The following FAT3 variants were observed in gnomAD, a reference collection of about 807,000 sequenced individuals.
FAT3 encodes protocadherin Fat 3.
FAT3 carries 95 observed loss-of-function variants against 310.2 expected under a neutral mutation model. The observed-to-expected ratio is 0.31, with a 90% CI of 0.26 to 0.36. The LOEUF is 0.36. Among genes scored for constraint, FAT3 ranks in the 10% least tolerant of loss-of-function variants. The pLI is 1.00. For missense variants in FAT3, 5,408 were observed against 5,715.6 expected (o/e 0.95, Z 1.74); for synonymous variants, 2,314 against 2,192.9 (o/e 1.06, Z -1.54).
intron 3 of FAT3, among the ~76,000 whole-genome samples, chr11:92,544,059 C>T (rs12281085): frequency 0.16 from 24,255 of 152,104 alleles, 2,087 homozygotes; most frequent in East Asian, 0.29. Flanking sequence ...AATACTTCTA[C>T]GTACTAGGGA....
chr11:92,819,932 A>G (rs989814097), intron 13 of FAT3, among the ~76,000 whole-genome samples: 8 of 152,322 alleles, frequency 5.3e-5, no homozygotes, highest in African/African-American at 1.9e-4. Flanking sequence ...CCGTTATGGT[A>G]GCAGCCTCTA....
intron 18 of FAT3, among the ~76,000 whole-genome samples, chr11:92,843,596 G>A (rs1339070767): frequency 6.6e-6 from 1 of 152,190 alleles, no homozygotes; most frequent in East Asian, 1.9e-4. Context: ...CACTTTATGA[G>A]GTTTCCCCTG....
chr11:92,632,657 A>G (rs79516390), intron 3 of FAT3, among the ~76,000 whole-genome samples: 2 of 152,236 alleles, frequency 1.3e-5, no homozygotes, highest in Non-Finnish European at 2.9e-5. Context: ...GCAAGGCAGT[A>G]CACACATTCC....
chr11:92,359,091 T>C (rs931065400), intron 2 of FAT3, among the ~76,000 whole-genome samples: 1 of 152,168 alleles, frequency 6.6e-6, no homozygotes, highest in East Asian at 1.9e-4. Context: ...TTATCGTCAT[T>C]CAGTAGGTCT....
At chr11:92,492,443 GT>G in intron 2 of FAT3, among the ~76,000 whole-genome samples, 1 of 152,142 alleles carries the variant, frequency 6.6e-6, no homozygotes, top group East Asian at 1.9e-4. Context: ...AATTAGCAAG[GT>G]TGTATTCTGT....
At chr11:92,390,515 G>A (rs1949725394) in intron 2 of FAT3, among the ~76,000 whole-genome samples, 1 of 152,152 alleles carries the variant, frequency 6.6e-6, no homozygotes, top group South Asian at 2.1e-4. Flanking sequence ...GCCTTCCGAG[G>A]ATGGATGTCT....
chr11:92,760,847 T>C (rs2136080721), intron 4 of FAT3, among the ~76,000 whole-genome samples: 1 of 152,318 alleles, frequency 6.6e-6, no homozygotes, highest in East Asian at 1.9e-4. Context: ...GAAAATTATG[T>C]ATGTGCTCTT....
Position 92,895,144 on chromosome 11 carries a change from G to A in FAT3, c.*4031G>A, listed in dbSNP as rs1237663934. The A allele has an allele frequency of 2.0e-5, 3 of 152,226 alleles. No homozygotes were observed. Among genetic ancestry groups the A allele is most frequent in the Non-Finnish European group, 2.9e-5 (2 of 68,046 alleles). 9.4% of individuals were successfully genotyped at this position (152,226 alleles called of 1,614,324 possible). ...CCCAGTGCACAGGTATTGCTAAAGT[G>A]GTTAGGCTTTAATGTTTTATGTTTT... On this transcript the variant is annotated 3_prime_UTR_variant, in exon 28 of 28. Coordinates refer to ENST00000525166, the MANE Select transcript of FAT3 (RefSeq NM_001367949.2).
intron 2 of FAT3, among the ~76,000 whole-genome samples, chr11:92,384,367 T>G (rs1299511815): frequency 6.6e-6 from 1 of 152,164 alleles, no homozygotes; most frequent in African/African-American, 2.4e-5. Context: ...AAGGGAAAAT[T>G]CTTTGAGCAC....
intron 2 of FAT3, among the ~76,000 whole-genome samples, chr11:92,380,201 A>G (rs1272709862): frequency 2.0e-5 from 3 of 152,208 alleles, no homozygotes; most frequent in South Asian, 2.1e-4. Flanking sequence ...TACTCACCAC[A>G]TGACTGAGTG....
chr11:92,265,725 A>G (rs1243717893), intron 1 of FAT3, among the ~76,000 whole-genome samples: 3 of 152,052 alleles, frequency 2.0e-5, no homozygotes, highest in East Asian at 1.9e-4. Context: ...CTCATGGACA[A>G]TGTCATCTCC....
chr11:92,622,734 G>T (rs916650830), intron 3 of FAT3, among the ~76,000 whole-genome samples: 12 of 152,130 alleles, frequency 7.9e-5, no homozygotes, highest in African/African-American at 2.9e-4. Context: ...CAATTGCACG[G>T]TCACAGAGAG....
At chr11:92,338,690 G>A (rs12363932) in intron 1 of FAT3, among the ~76,000 whole-genome samples, 11,315 of 152,156 alleles carry the variant, frequency 0.074, 591 homozygotes, top group African/African-American at 0.14. Context: ...GAATAAATGC[G>A]TCTGTAAAGA....
rs781399396 is a variant in FAT3, at chr11:92,354,649, T to G, written c.2537T>G (p.Ile846Ser). 1.2e-6 allele frequency: 2 copies of G among 1,613,816 alleles called. No individual in the cohort carries two copies. Among genetic ancestry groups the G allele is most frequent in the Non-Finnish European group, 1.7e-6 (2 of 1,179,856 alleles). The change falls in exon 2 of 28, where the codon ATT (isoleucine) becomes AGT (serine). Residue 846 changes from isoleucine to serine, a missense_variant. Ile to Ser is a moderately radical substitution (Grantham distance 142). Transcript: ENST00000525166. The part of the protein sequence containing the change: ...YSVNILESSG[I>S]GTEIIQVEAR... Reference sequence around the variant, plus strand: ...GTTAACATTCTTGAAAGTTCAGGCATTGGTACTGAAATCATTCAAGTGGAA... The same window carrying G: ...GTTAACATTCTTGAAAGTTCAGGCAGTGGTACTGAAATCATTCAAGTGGAA...
chr11:92,524,425 C>G (rs746834206), intron 2 of FAT3, among the ~76,000 whole-genome samples: 2 of 152,126 alleles, frequency 1.3e-5, no homozygotes, highest in Non-Finnish European at 2.9e-5. Flanking sequence ...TGTAATTATA[C>G]TCTATAAACA....
chr11:92,799,010 C>A lies in FAT3; in HGVS notation c.5997C>A (p.Thr1999=), dbSNP rs1947254123. Residue 1999 remains threonine (T), a synonymous_variant, in exon 10 of 28, where the codon ACC becomes ACA. Transcript: ENST00000525166. The stretch of plus-strand genomic sequence containing the variant: ...TCTCAGAGAACAACACTAACATAAC[C>A]AAAGTTGCTATTGTCAATGCAGTTG... ...TSISENNTNI[T]KVAIVNAVGN... 2 of 1,613,850 alleles carry A rather than the reference C, an allele frequency of 1.2e-6. No individual in the cohort carries two copies. Among genetic ancestry groups the A allele is most frequent in the Middle Eastern group, 1.6e-4 (1 of 6,062 alleles).
At chr11:92,436,991 T>A (rs755703842) in intron 2 of FAT3, among the ~76,000 whole-genome samples, 35 of 152,226 alleles carry the variant, frequency 2.3e-4, no homozygotes, top group South Asian at 6.2e-4. Context: ...TGTCTTTGGA[T>A]GTTTAGTTAA....
chr11:92,633,313 T>A (rs981465254), intron 3 of FAT3, among the ~76,000 whole-genome samples: 2 of 152,214 alleles, frequency 1.3e-5, no homozygotes, highest in African/African-American at 4.8e-5. Context: ...AGTCTTTTTT[T>A]TTTATCTGAT....
chr11:92,495,470 G>A (rs1952726215), intron 2 of FAT3, among the ~76,000 whole-genome samples: 1 of 152,058 alleles, frequency 6.6e-6, no homozygotes, highest in South Asian at 2.1e-4. Context: ...TTTTCACTAT[G>A]ATTTTCATTG....
Sources: gnomAD v4.1 joint callset for allele counts (sites outside exome capture counted in the v4.1 genomes callset) on GRCh38, gnomAD v4.1.1 for gene constraint, MANE v1.5 for transcripts, NCBI Gene and HGNC (gene_info 2026-07-23, HGNC 2026-07-21) for gene names.